The following LAMC3 variants were observed in gnomAD, a reference collection of about 807,000 sequenced individuals.
The protein encoded by LAMC3 is laminin subunit gamma 3.
A neutral mutation model predicts 173.8 loss-of-function variants in LAMC3; 128 were observed. That is an observed-to-expected ratio of 0.74 (90% CI 0.64 to 0.85). The LOEUF (loss-of-function observed/expected upper bound fraction) is 0.85, where lower values mean the gene tolerates loss of function less well. Ranked by LOEUF, LAMC3 falls within the 40% of genes least tolerant of loss-of-function variation. The pLI is 0.00. For missense variants in LAMC3, 2,022 were observed against 2,156.0 expected (o/e 0.94, Z 1.23); for synonymous variants, 897 against 909.1 (o/e 0.99, Z 0.24).
intron 8 of LAMC3, 85 bp from the exon 9 acceptor site, chr9:131,048,935 C>G (rs1320565920): frequency 1.3e-6 from 1 of 770,500 alleles, no homozygotes; most frequent in East Asian, 2.7e-5. Context: ...CCCTCCTACC[C>G]CAGGGCCCCC....
chr9:131,064,664 C>CA (rs36112492), intron 13 of LAMC3, among the ~76,000 whole-genome samples: 784 of 32,436 alleles, frequency 0.024, 6 homozygotes, highest in African/African-American at 0.088. Context: ...ACTCCGTCTC[C>CA]AAAAAAAAAA....
Position 131,036,148 on chromosome 9 carries a change from C to G in LAMC3, c.810-18C>G. On this transcript the variant is annotated intron_variant, in intron 3 of 27. Transcript: ENST00000361069. ...CCGGCACCTGCGGGTCCCCTTCCTCCTCTGTGTCTTTTCCCAGGTGCAAGT... is the reference window on the plus strand; with the variant it reads ...CCGGCACCTGCGGGTCCCCTTCCTCGTCTGTGTCTTTTCCCAGGTGCAAGT... 6.2e-7 allele frequency: 1 copy of G among 1,613,040 alleles called. No homozygotes were observed. The highest frequency in any genetic ancestry group is 1.3e-5 in the African/African-American group (1 of 75,038).
chr9:131,045,798 C>T (rs1216903137), intron 8 of LAMC3, 138 bp downstream of exon 8: 6 of 1,118,648 alleles, frequency 5.4e-6, no homozygotes, highest in Admixed American at 3.9e-5. Flanking sequence ...TAGGTGGGGT[C>T]GGGGGTGAGA....
chr9:131,043,401 CAAGAT>C (rs1180032184), intron 7 of LAMC3, among the ~76,000 whole-genome samples: 1 of 152,096 alleles, frequency 6.6e-6, no homozygotes, highest in Non-Finnish European at 1.5e-5. Context: ...TGGAAAAAGA[CAAGAT>C]AAGCCCAAGG....
chr9:131,042,077 G>T (rs984125607), intron 7 of LAMC3, among the ~76,000 whole-genome samples: 2 of 152,162 alleles, frequency 1.3e-5, no homozygotes, highest in African/African-American at 4.8e-5. Flanking sequence ...ACTACCACCT[G>T]CTGTGGCAGA....
intron 9 of LAMC3, among the ~76,000 whole-genome samples, chr9:131,050,912 G>A (rs1834270661): frequency 1.3e-5 from 2 of 152,206 alleles, no homozygotes; most frequent in Non-Finnish European, 2.9e-5. Context: ...AACGTGAGTA[G>A]CAAAGGATGG....
intron 11 of LAMC3, 116 bp downstream of exon 11, chr9:131,053,081 G>A (rs1317588115): frequency 8.5e-6 from 7 of 822,762 alleles, no homozygotes; most frequent in African/African-American, 1.7e-5. Flanking sequence ...TTATTGTCCT[G>A]TTTTGCCAAG....
intron 11 of LAMC3, among the ~76,000 whole-genome samples, chr9:131,054,426 T>C (rs1361223102): frequency 6.6e-6 from 1 of 152,188 alleles, no homozygotes; most frequent in African/African-American, 2.4e-5. Flanking sequence ...TGTGTGTACG[T>C]ACTTAACATC....
intron 2 of LAMC3, 105 bp from the exon 3 acceptor site, chr9:131,031,939 TC>T: frequency 6.3e-7 from 1 of 1,596,432 alleles, no homozygotes. Flanking sequence ...TGTTCCTGTG[TC>T]CCAGGAGCTC....
At chr9:131,072,205 T>C (rs1046889041) in intron 18 of LAMC3, among the ~76,000 whole-genome samples, 5 of 152,156 alleles carry the variant, frequency 3.3e-5, no homozygotes, top group African/African-American at 1.2e-4. Context: ...AAGTTTTATA[T>C]GTGTAAGTGC....
At chr9:131,082,898 G>T (rs1266164204) in intron 24 of LAMC3, among the ~76,000 whole-genome samples, 1 of 152,182 alleles carries the variant, frequency 6.6e-6, no homozygotes, top group Non-Finnish European at 1.5e-5. Flanking sequence ...CCACTGCCCG[G>T]AAGAGATGGA....
intron 12 of LAMC3, among the ~76,000 whole-genome samples, chr9:131,057,999 C>T (rs1829728078): frequency 6.6e-6 from 1 of 152,266 alleles, no homozygotes; most frequent in Non-Finnish European, 1.5e-5. Flanking sequence ...CCCCACGCTG[C>T]AGTGCAGATG....
intron 23 of LAMC3, 146 bp downstream of exon 23, chr9:131,079,444 C>T (rs1382416598): frequency 2.1e-6 from 2 of 950,758 alleles, no homozygotes; most frequent in Non-Finnish European, 3.2e-6. Context: ...CCTGTAATCC[C>T]ACCACTTTGG....
chr9:131,019,656 G>T (rs1833592943), intron 1 of LAMC3, among the ~76,000 whole-genome samples: 1 of 152,216 alleles, frequency 6.6e-6, no homozygotes, highest in South Asian at 2.1e-4. Context: ...TACTAGTGAG[G>T]AGTCAGGCTC....
chr9:131,026,602 C>A lies in LAMC3; in HGVS notation c.678+13C>A. On this transcript the variant is annotated intron_variant, in intron 2 of 27. Coordinates refer to ENST00000361069, the MANE Select transcript of LAMC3 (RefSeq NM_006059.4). This position sits in a 1 kb window ranked among gnomAD's most constrained non-coding sequence, Gnocchi z 4.8. ...CCCTGGGCTGCAGGTCAGGGAGGAG[C>A]GGGGCTTCGGAGGTTGGGACGGGGT... The A allele has an allele frequency of 6.4e-7, 1 of 1,562,524 alleles. No individual in the cohort carries two copies. The highest frequency in any genetic ancestry group is 8.7e-7 in the Non-Finnish European group (1 of 1,154,296).
intron 4 of LAMC3, 61 bp downstream of exon 4, chr9:131,036,393 G>A: frequency 1.6e-5 from 26 of 1,596,188 alleles, no homozygotes; most frequent in Non-Finnish European, 2.2e-5. Flanking sequence ...GGCGGGGAAA[G>A]GAACTCCCCA....
chr9:131,083,019 C>A (rs746255219), intron 24 of LAMC3, among the ~76,000 whole-genome samples: 16 of 152,236 alleles, frequency 1.1e-4, no homozygotes, highest in Non-Finnish European at 2.2e-4. Context: ...TTGGGGACTT[C>A]CTGTCGGAAA....
At chr9:131,032,556 C>CGCTCTCTCTCTTGCTCTCTCTT (rs1833851887) in intron 3 of LAMC3, among the ~76,000 whole-genome samples, 3 of 123,896 alleles carry the variant, frequency 2.4e-5, no homozygotes, top group African/African-American at 5.3e-5. Flanking sequence ...TGCTCTCTCT[C>CGCTCTCTCTCTTGCTCTCTCTT]GCTCTCTCTC....
At chr9:131,023,258 A>T (rs1052088952) in intron 1 of LAMC3, among the ~76,000 whole-genome samples, 1 of 152,102 alleles carries the variant, frequency 6.6e-6, no homozygotes, top group Non-Finnish European at 1.5e-5. Context: ...TTTTGCGTGG[A>T]TGTATATGTT....
Sources: gnomAD v4.1 joint callset for allele counts (sites outside exome capture counted in the v4.1 genomes callset) on GRCh38, gnomAD v4.1.1 for gene constraint, Gnocchi (gnomAD v3.1) non-coding constraint, MANE v1.5 for transcripts, NCBI Gene and HGNC (gene_info 2026-07-23, HGNC 2026-07-21) for gene names.